NWD1: variants seen among roughly 807,000 people sequenced by gnomAD.
NWD1 encodes the protein NACHT domain- and WD repeat-containing protein 1.
In NWD1, 129 loss-of-function variants were observed where a neutral mutation model predicts 135.1. That is an observed-to-expected ratio of 0.96 (90% confidence interval 0.83 to 1.11). NWD1 has a LOEUF of 1.11. Ranked by LOEUF, NWD1 falls within the 50% of genes least tolerant of loss-of-function variation. The probability of loss-of-function intolerance (pLI) is 0.00; values close to 1 mark genes in which losing one functional copy is unlikely to be tolerated. For synonymous variants in NWD1, 773 were observed against 786.0 expected, an observed-to-expected ratio of 0.98 and a Z score of 0.28; for missense variants, 1,740 against 1,851.3, an observed-to-expected ratio of 0.94 and a Z score of 1.10.
chr19:16,793,662 C>T (rs886248094), intron 14 of NWD1, among the ~76,000 whole-genome samples: 1 of 151,638 alleles, frequency 6.6e-6, no homozygotes, highest in Non-Finnish European at 1.5e-5. Context: ...CTGAAACCTC[C>T]ACCTCCCAGC....
At chr19:16,784,057 T>G (rs933845784) in intron 12 of NWD1, among the ~76,000 whole-genome samples, 3 of 152,062 alleles carry the variant, frequency 2.0e-5, no homozygotes, top group Non-Finnish European at 2.9e-5. Flanking sequence ...GTATAAAAAT[T>G]AGCTGGGCGT....
chr19:16,781,154 C>T (rs1203091433), intron 12 of NWD1, among the ~76,000 whole-genome samples: 4 of 152,046 alleles, frequency 2.6e-5, no homozygotes, highest in African/African-American at 9.7e-5. Context: ...AGTACCAGGT[C>T]CTGTTCTAGA....
rs16981403 is a variant in NWD1, at chr19:16,753,205, A to G, written c.1769+2794A>G. On this transcript the variant is annotated intron_variant, in intron 6 of 18. Coordinates refer to ENST00000524140, the MANE Select transcript of NWD1 (RefSeq NM_001007525.5). The stretch of plus-strand genomic sequence containing the variant: ...CTTCCTTCGGCCCCTCTGGAACTTC[A>G]GCTTGCCTTGAGCCACAGTTGGCAT... Among the ~76,000 whole-genome samples, 1,259 of 152,230 alleles carry G rather than the reference A, an allele frequency of 8.3e-3. 16 individuals carry two copies. The highest frequency in any genetic ancestry group is 0.029 in the African/African-American group (1,198 of 41,544).
chr19:16,807,562 A>G (rs1447511613), intron 17 of NWD1, 24 bp from the exon 18 acceptor site: 2 of 1,509,818 alleles, frequency 1.3e-6, no homozygotes, highest in Non-Finnish European at 1.8e-6. Flanking sequence ...AGTGTAAGTC[A>G]TTCTCATTTT....
intron 7 of NWD1, among the ~76,000 whole-genome samples, chr19:16,761,042 C>A (rs1968991691): frequency 6.6e-6 from 1 of 152,212 alleles, no homozygotes; most frequent in African/African-American, 2.4e-5. Context: ...TAACCCCTGG[C>A]AGCCACTCAT....
intron 14 of NWD1, among the ~76,000 whole-genome samples, 183 bp from the exon 15 acceptor site, chr19:16,794,280 T>C (rs1970345430): frequency 6.6e-6 from 1 of 152,066 alleles, no homozygotes; most frequent in Non-Finnish European, 1.5e-5. Flanking sequence ...GCAGGGGAAT[T>C]GCTTGAACCC....
At chr19:16,790,641 ATAAAT>A (rs1568383269) in intron 13 of NWD1, among the ~76,000 whole-genome samples, 2 of 136,628 alleles carry the variant, frequency 1.5e-5, no homozygotes, top group Non-Finnish European at 1.5e-5. Flanking sequence ...TTAAAAAAAA[ATAAAT>A]AAATAAATAA....
At chr19:16,759,038 A>G (rs2122868134) in intron 6 of NWD1, among the ~76,000 whole-genome samples, 187 bp from the exon 7 acceptor site, 1 of 149,322 alleles carries the variant, frequency 6.7e-6, no homozygotes, top group African/African-American at 2.5e-5. Context: ...AAAATCGGAA[A>G]AGGTCTTCCT....
Position 16,763,958 on chromosome 19 carries a change from C to G in NWD1, c.2251+13C>G, listed in dbSNP as rs750924778. 1 of 1,538,888 alleles carries G rather than the reference C, an allele frequency of 6.5e-7. No homozygotes were observed. Among genetic ancestry groups the G allele is most frequent in the Admixed American group, 1.7e-5 (1 of 59,896 alleles). ...CAGGAGGTTCTGGGTAAGGGCTGCC[C>G]CCCATCTCAGAGGACCGAGCCTGGT... On this transcript the variant is annotated intron_variant, in intron 9 of 18. Coordinates refer to ENST00000524140, the MANE Select transcript of NWD1 (RefSeq NM_001007525.5).
Position 16,749,183 on chromosome 19 carries a change from C to T in NWD1, c.541C>T (p.Arg181Trp), listed in dbSNP as rs140045971. Residue 181 changes from arginine to tryptophan, a missense_variant, in exon 6 of 19, where the codon CGG becomes TGG. By Grantham distance (101) the Arg-to-Trp change is moderately radical (BLOSUM62 -3). Coordinates refer to ENST00000524140, the MANE Select transcript of NWD1 (RefSeq NM_001007525.5). ...GCGGAGCCTGCTGAGCTCAGAGGAC[C>T]GGGAACAGGGAGCCACCGTCTTCCT... is the stretch of plus-strand genomic sequence containing the variant. Reference protein sequence around the residue: ...IERSLLSSEDREQGATVFLRE... With the variant: ...IERSLLSSEDWEQGATVFLRE... The T allele has an allele frequency of 1.9e-3, 3,046 of 1,612,846 alleles. 6 individuals carry two copies. The highest frequency in any genetic ancestry group is 2.0e-3 in the Non-Finnish European group (2,325 of 1,179,410).
intron 2 of NWD1, among the ~76,000 whole-genome samples, chr19:16,730,886 C>T (rs1013466433): frequency 6.8e-6 from 1 of 147,398 alleles, no homozygotes; most frequent in Non-Finnish European, 1.5e-5. Context: ...CTGCCTATTG[C>T]GATTTTTTTT....
At chr19:16,748,082 C>G (rs1430023390) in intron 5 of NWD1, among the ~76,000 whole-genome samples, 2 of 152,174 alleles carry the variant, frequency 1.3e-5, no homozygotes, top group East Asian at 3.8e-4. Flanking sequence ...CTCCCGGGTT[C>G]AAGTGATTCT....
At chr19:16,732,276 A>G (rs1010982730) in intron 3 of NWD1, among the ~76,000 whole-genome samples, 18 of 151,578 alleles carry the variant, frequency 1.2e-4, no homozygotes, top group African/African-American at 3.9e-4. Flanking sequence ...GTGCTTGGTT[A>G]GCATGGCAGG....
rs756218108 is a variant in NWD1, at chr19:16,799,060, A to G, written c.3460-826A>G. Among the ~76,000 whole-genome samples, 118 of 152,286 alleles carry G rather than the reference A, an allele frequency of 7.7e-4. 1 individual carries two copies. The highest frequency in any genetic ancestry group is 6.8e-3 in the Middle Eastern group (2 of 294). On this transcript the variant is annotated intron_variant, in intron 16 of 18. Transcript: ENST00000524140. ...GAGTTCCCTGGAACACACTTTGGGA[A>G]CTGCTCTGGAAGCTGATGGGTTCAA... is the stretch of plus-strand genomic sequence containing the variant.
At chr19:16,782,369 G>C (rs1969886864) in intron 12 of NWD1, among the ~76,000 whole-genome samples, 1 of 151,566 alleles carries the variant, frequency 6.6e-6, no homozygotes. Context: ...GAGAGGCTGA[G>C]CCAAGAGGAT....
chr19:16,783,690 TA>T (rs1040196456), intron 12 of NWD1, among the ~76,000 whole-genome samples: 11 of 149,106 alleles, frequency 7.4e-5, no homozygotes, highest in South Asian at 2.1e-4. Flanking sequence ...AATAATAAAA[TA>T]AAAAATAAAT....
chr19:16,798,940 A>T lies in NWD1; in HGVS notation c.3460-946A>T, dbSNP rs538109389. ...CATGTCTGGCTAGAATAAAATAATTAAAAAAAAAAAAACATTAAAAGTTTT... is the reference window on the plus strand; with the variant it reads ...CATGTCTGGCTAGAATAAAATAATTTAAAAAAAAAAAACATTAAAAGTTTT... On this transcript the variant is annotated intron_variant, in intron 16 of 18. Transcript: ENST00000524140. Among the ~76,000 whole-genome samples the T allele has an allele frequency of 5.8e-4, 55 of 94,710 alleles. 1 individual carries two copies. Among genetic ancestry groups the T allele is most frequent in the South Asian group, 4.2e-3 (14 of 3,352 alleles). 62.1% of individuals were successfully genotyped at this position (94,710 alleles called of 152,430 possible). A position where few individuals can be genotyped will look rare whatever the true frequency, so the allele number is the denominator to read the frequency against.
At chr19:16,782,774 C>A (rs902055298) in intron 12 of NWD1, among the ~76,000 whole-genome samples, 9 of 151,836 alleles carry the variant, frequency 5.9e-5, no homozygotes, top group Admixed American at 3.9e-4. Flanking sequence ...GCCTTGAGCC[C>A]GGGTGTTTGA....
At chr19:16,730,080 T>C (rs952093023) in intron 2 of NWD1, among the ~76,000 whole-genome samples, 25 of 152,028 alleles carry the variant, frequency 1.6e-4, no homozygotes, top group Admixed American at 5.2e-4. Flanking sequence ...TCCCAGCACT[T>C]TGGGAGGCCG....
Sources: gnomAD v4.1 joint callset for allele counts (sites outside exome capture counted in the v4.1 genomes callset) on GRCh38, gnomAD v4.1.1 for gene constraint, MANE v1.5 for transcripts, NCBI Gene and HGNC (gene_info 2026-07-23, HGNC 2026-07-21) for gene names.